Variants in SAXO1 observed in about 807,000 individuals in gnomAD.
The protein encoded by SAXO1 is stabilizer of axonemal microtubules 1.
A neutral mutation model predicts 17.5 loss-of-function variants in SAXO1; 21 were observed. The ratio of observed to expected loss-of-function variants is 1.20; its 90% CI spans 0.85 to 1.72. The LOEUF is 1.72. SAXO1 is among the 40% of genes most tolerant of loss of function. The pLI is 0.00. For missense variants in SAXO1, 843 were observed against 596.0 expected (o/e 1.41, Z -4.32); for synonymous variants, 274 against 216.5 (o/e 1.27, Z -2.33).
At chr9:18,995,971 C>G (rs925671391) in intron 1 of SAXO1, among the ~76,000 whole-genome samples, 3 of 151,026 alleles carry the variant, frequency 2.0e-5, no homozygotes, top group African/African-American at 7.3e-5. Flanking sequence ...CCCAGCTATT[C>G]GGGAGGCTGG....
chr9:18,959,598 C>A (rs1387472316), intron 1 of SAXO1, among the ~76,000 whole-genome samples: 2 of 152,044 alleles, frequency 1.3e-5, no homozygotes, highest in African/African-American at 4.8e-5. Context: ...TGGTGAAACC[C>A]CATCTCTACC....
intron 1 of SAXO1, among the ~76,000 whole-genome samples, chr9:18,993,602 A>T (rs10811084): frequency 0.52 from 79,075 of 152,022 alleles, 22,171 homozygotes; most frequent in Non-Finnish European, 0.64. Context: ...AACACAGAGG[A>T]GCACAGCTTT....
At chr9:18,997,103 G>A (rs1235545152) in intron 1 of SAXO1, among the ~76,000 whole-genome samples, 1 of 152,208 alleles carries the variant, frequency 6.6e-6, no homozygotes, top group East Asian at 1.9e-4. Flanking sequence ...TGGACAGTGG[G>A]TGCCGCCCAC....
chr9:18,994,680 T>G (rs1231097969), intron 1 of SAXO1, among the ~76,000 whole-genome samples: 1 of 152,164 alleles, frequency 6.6e-6, no homozygotes, highest in African/African-American at 2.4e-5. Flanking sequence ...GGGTAAGCAG[T>G]CCTCCTCTCC....
At chr9:18,950,331 C>G (rs1831978065) in intron 2 of SAXO1, among the ~76,000 whole-genome samples, 1 of 152,066 alleles carries the variant, frequency 6.6e-6, no homozygotes, top group Admixed American at 6.5e-5. Context: ...CTCATTTTTT[C>G]TCTATTGCCA....
chr9:18,989,556 GCACACACACACACA>G (rs56265752), intron 1 of SAXO1, among the ~76,000 whole-genome samples: 58 of 149,292 alleles, frequency 3.9e-4, no homozygotes, highest in African/African-American at 1.4e-3. Flanking sequence ...TAGCCATTAT[GCACACACACACACA>G]CACACACACA....
chr9:18,979,258 T>C (rs1347250326), intron 1 of SAXO1, among the ~76,000 whole-genome samples: 1 of 152,182 alleles, frequency 6.6e-6, no homozygotes, highest in African/African-American at 2.4e-5. Context: ...TATAAATTGT[T>C]GAATATACTA....
chr9:18,959,355 A>C (rs1832387268), intron 1 of SAXO1, among the ~76,000 whole-genome samples: 1 of 152,200 alleles, frequency 6.6e-6, no homozygotes, highest in Admixed American at 6.5e-5. Flanking sequence ...AGAAGGCATG[A>C]TTAAAGAGGG....
intron 1 of SAXO1, among the ~76,000 whole-genome samples, chr9:18,957,101 A>T (rs937704498): frequency 6.6e-6 from 1 of 152,198 alleles, no homozygotes; most frequent in African/African-American, 2.4e-5. Flanking sequence ...AATAAATAGT[A>T]TGTCTGCCCT....
chr9:18,941,607 C>T, intron 3 of SAXO1, 30 bp downstream of exon 3: 2 of 1,612,424 alleles, frequency 1.2e-6, no homozygotes, highest in Non-Finnish European at 1.7e-6. Flanking sequence ...GCCTGTCTTT[C>T]CCCCAATCTG....
chr9:19,040,541 G>A (rs1222274032), intron 1 of SAXO1, among the ~76,000 whole-genome samples: 1 of 152,076 alleles, frequency 6.6e-6, no homozygotes, highest in East Asian at 1.9e-4. Context: ...CTACCTGGGA[G>A]GCTGAGGCAT....
At chr9:18,956,799 G>T (rs964455491) in intron 1 of SAXO1, among the ~76,000 whole-genome samples, 1 of 152,300 alleles carries the variant, frequency 6.6e-6, no homozygotes, top group Non-Finnish European at 1.5e-5. Context: ...CAATTACTAC[G>T]CACAACACGG....
chr9:18,977,964 T>C (rs1157559114), intron 1 of SAXO1, among the ~76,000 whole-genome samples: 2 of 129,910 alleles, frequency 1.5e-5, no homozygotes, highest in African/African-American at 3.0e-5. Context: ...CCACTGCACT[T>C]CAGCCTGGGT....
At chr9:19,008,422 C>T (rs963331574) in intron 1 of SAXO1, among the ~76,000 whole-genome samples, 1 of 152,130 alleles carries the variant, frequency 6.6e-6, no homozygotes, top group Non-Finnish European at 1.5e-5. Flanking sequence ...AGCAATAGGG[C>T]CATTCTCAGA....
chr9:18,953,670 C>T (rs1343100652), intron 1 of SAXO1, among the ~76,000 whole-genome samples: 3 of 152,190 alleles, frequency 2.0e-5, no homozygotes, highest in Non-Finnish European at 2.9e-5. Flanking sequence ...AGGACCATGT[C>T]TTCTCATTGG....
intron 1 of SAXO1, among the ~76,000 whole-genome samples, chr9:19,014,513 T>C (rs1367660068): frequency 1.4e-5 from 2 of 138,724 alleles, no homozygotes; most frequent in Admixed American, 7.0e-5. Context: ...TAAAAAAAAA[T>C]TGGCAAAATT....
At chr9:18,932,305 T>C (rs1007395581) in intron 3 of SAXO1, among the ~76,000 whole-genome samples, 3 of 152,232 alleles carry the variant, frequency 2.0e-5, no homozygotes, top group Non-Finnish European at 4.4e-5. Context: ...CACACTGAAG[T>C]GCCTAGGCAT....
intron 1 of SAXO1, among the ~76,000 whole-genome samples, chr9:18,968,986 T>G (rs1480606060): frequency 6.6e-6 from 1 of 151,998 alleles, no homozygotes; most frequent in East Asian, 1.9e-4. Flanking sequence ...GATTGATGGA[T>G]GAACCCAGTG....
intron 1 of SAXO1, among the ~76,000 whole-genome samples, chr9:19,016,972 A>T (rs1417923645): frequency 6.6e-6 from 1 of 151,964 alleles, no homozygotes; most frequent in East Asian, 1.9e-4. Flanking sequence ...TGAGCATGTG[A>T]CCAAGGCCTG....
Sources: allele counts gnomAD v4.1 joint callset (sites outside exome capture counted in the v4.1 genomes callset), GRCh38; gene constraint gnomAD v4.1.1; transcripts MANE v1.5; gene names NCBI Gene and HGNC (gene_info 2026-07-23, HGNC 2026-07-21).